Variants in EIF2AK4 observed in about 807,000 individuals in gnomAD.
EIF2AK4 encodes eIF-2-alpha kinase GCN2.
EIF2AK4 carries 139 observed loss-of-function variants against 211.1 expected under a neutral mutation model. That is an observed-to-expected ratio of 0.66 (90% CI 0.57 to 0.76). EIF2AK4 has a LOEUF of 0.76. Among genes scored for constraint, EIF2AK4 ranks in the 30% least tolerant of loss-of-function variants. The probability of loss-of-function intolerance (pLI) is 0.00; values close to 1 mark genes in which losing one functional copy is unlikely to be tolerated. For missense variants in EIF2AK4, 1,664 were observed against 2,043.8 expected (o/e 0.81, Z 3.58); for synonymous variants, 710 against 751.3 (o/e 0.94, Z 0.90).
chr15:40,018,971 CT>C (rs2035346689), intron 29 of EIF2AK4, 121 bp from the exon 30 acceptor site: 2 of 721,144 alleles, frequency 2.8e-6, no homozygotes, highest in Non-Finnish European at 4.6e-6. Flanking sequence ...ACACACATTT[CT>C]TTTTGTTGAA....
At chr15:39,936,943 A>AT (rs1048360654) in intron 1 of EIF2AK4, among the ~76,000 whole-genome samples, 4 of 151,624 alleles carry the variant, frequency 2.6e-5, no homozygotes, top group Admixed American at 6.6e-5. Context: ...TTCAGGTTAG[A>AT]TTTTTTTTTC....
In EIF2AK4 at chr15:39,964,589, T is replaced by A. The variant is rs368810890; in HGVS notation, c.860-1097T>A. Among the ~76,000 whole-genome samples, 17 of 152,290 alleles carry A rather than the reference T, an allele frequency of 1.1e-4. No individual in the cohort carries two copies. The East Asian group carries it at 3.3e-3, about 29-fold the overall frequency. On this transcript the variant is annotated intron_variant, in intron 7 of 38. Coordinates refer to ENST00000263791, the MANE Select transcript of EIF2AK4 (RefSeq NM_001013703.4). ...AATGTCATAGTGTCAAGGTGTTATA[T>A]ATATGCTATGATATGGTAAATTATG...
rs765193664 is a variant in EIF2AK4 at position 40,022,513 on chromosome 15, T to C, written c.4303-6T>C. 2 of 1,613,188 alleles carry C rather than the reference T, an allele frequency of 1.2e-6. No individual in the cohort carries two copies. The highest frequency in any genetic ancestry group is 2.2e-5 in the South Asian group (2 of 90,936). ...TTATTTTCTTTACTATGTTTGTTTG[T>C]TTCAGTCCCAAGAGGAATTACAAGA... On this transcript the variant is annotated splice_region_variant and splice_polypyrimidine_tract_variant and intron_variant, in intron 31 of 38. Coordinates refer to ENST00000263791, the MANE Select transcript of EIF2AK4 (RefSeq NM_001013703.4).
chr15:40,029,881 A>G (rs1332346368), intron 34 of EIF2AK4, among the ~76,000 whole-genome samples: 1 of 152,178 alleles, frequency 6.6e-6, no homozygotes, highest in African/African-American at 2.4e-5. Flanking sequence ...TGCTTTCATC[A>G]CCTCTAGCAA....
intron 23 of EIF2AK4, among the ~76,000 whole-genome samples, chr15:40,005,497 A>G (rs2035147715): frequency 6.6e-6 from 1 of 151,942 alleles, no homozygotes; most frequent in African/African-American, 2.4e-5. Context: ...ACCCTGTCTG[A>G]AAAACAACAA....
At chr15:39,972,424 C>T (rs2034637781) in intron 9 of EIF2AK4, among the ~76,000 whole-genome samples, 1 of 152,164 alleles carries the variant, frequency 6.6e-6, no homozygotes, top group African/African-American at 2.4e-5. Context: ...AAAAGCCTTC[C>T]CTAAATGTTT....
intron 4 of EIF2AK4, chr15:39,951,497 C>T (rs1345594217): frequency 7.3e-6 from 3 of 409,020 alleles, no homozygotes; most frequent in Non-Finnish European, 1.4e-5. Context: ...GCCTCACTTG[C>T]CTTCTGCAAA....
In EIF2AK4 at chr15:39,976,850, C is replaced by T. The variant is rs374651799; in HGVS notation, c.2249+6C>T. 1.0e-5 allele frequency: 15 copies of T among 1,503,478 alleles called. No homozygotes were observed. Among genetic ancestry groups the T allele is most frequent in the Non-Finnish European group, 1.2e-5 (13 of 1,128,642 alleles). The allele number at this position is 1,503,478 out of a possible 1,614,324, so 93.1% of individuals were successfully genotyped here. A position where few individuals can be genotyped will look rare whatever the true frequency, so the allele number is the denominator to read the frequency against. ...GTCTTCTCCCAGTCCTTCCTGTAAG[C>T]GCACGGCGCGGACCAGCTGCCTCTG... On this transcript the variant is annotated splice_donor_region_variant and intron_variant, in intron 12 of 38. Transcript: ENST00000263791.
chr15:39,952,640 A>G (rs1304182069), intron 4 of EIF2AK4, among the ~76,000 whole-genome samples: 2 of 151,794 alleles, frequency 1.3e-5, no homozygotes, highest in Non-Finnish European at 2.9e-5. Flanking sequence ...AGATATTACT[A>G]TTTCTTAAAG....
chr15:39,976,272 G>C (rs2034690662), intron 11 of EIF2AK4, 142 bp from the exon 12 acceptor site: 1 of 834,576 alleles, frequency 1.2e-6, no homozygotes, highest in African/African-American at 1.8e-5. Flanking sequence ...TTCAGTTTAA[G>C]AATTTCAGGC....
intron 13 of EIF2AK4, among the ~76,000 whole-genome samples, chr15:39,983,947 A>G (rs2034829785): frequency 6.6e-6 from 1 of 152,112 alleles, no homozygotes; most frequent in African/African-American, 2.4e-5. Flanking sequence ...CCTGAATGGT[A>G]TTGCCTAGGT....
chr15:39,956,056 A>C (rs1276754908), intron 6 of EIF2AK4, among the ~76,000 whole-genome samples: 2 of 136,538 alleles, frequency 1.5e-5, no homozygotes, highest in East Asian at 4.2e-4. Flanking sequence ...CCCAGGCTGC[A>C]GTGCAATGGC....
rs200753878 is a variant in EIF2AK4 at position 40,008,148 on chromosome 15, A to G, written c.3529A>G (p.Ile1177Val). 55 of 1,612,516 alleles carry G rather than the reference A, an allele frequency of 3.4e-5. No individual in the cohort carries two copies. In the East Asian group the frequency reaches 1.2e-3, roughly 35 times the overall value. Residue 1177 changes from isoleucine (I) to valine (V), a missense_variant, in exon 25 of 39, where the codon ATT becomes GTT. Coordinates refer to ENST00000263791, the MANE Select transcript of EIF2AK4 (RefSeq NM_001013703.4). The stretch of plus-strand genomic sequence containing the variant: ...CAACAGCTTTCTGCCCACTGCTGAA[A>G]TTATCTACACTATCTATGAAATCAT... ...TTNSFLPTAE[I>V]IYTIYEIIQE...
intron 32 of EIF2AK4, among the ~76,000 whole-genome samples, chr15:40,022,954 C>G (rs2035413938): frequency 6.6e-6 from 1 of 152,280 alleles, no homozygotes; most frequent in East Asian, 1.9e-4. Flanking sequence ...AGGATGGTCT[C>G]CTGACCTCGT....
chr15:39,985,985 G>A, intron 14 of EIF2AK4, 97 bp downstream of exon 14: 4 of 1,071,608 alleles, frequency 3.7e-6, no homozygotes, highest in Non-Finnish European at 4.1e-6. Flanking sequence ...GACAGAGGAG[G>A]GCTTATTGCC....
intron 6 of EIF2AK4, among the ~76,000 whole-genome samples, chr15:39,957,747 G>T (rs192829510): frequency 5.9e-5 from 9 of 152,324 alleles, no homozygotes; most frequent in Admixed American, 3.3e-4. Flanking sequence ...GAGGGAGCCA[G>T]GGAGGGAAGA....
At chr15:39,992,121 C>A in intron 16 of EIF2AK4, 54 bp from the exon 17 acceptor site, 2 of 1,478,394 alleles carry the variant, frequency 1.4e-6, no homozygotes, top group East Asian at 2.3e-5. Flanking sequence ...ACAAGCCATT[C>A]TCATGGAATA....
chr15:39,976,445 C>G lies in EIF2AK4; in HGVS notation c.1850C>G (p.Ala617Gly), dbSNP rs1424937924. 1 of 1,608,860 alleles carries G rather than the reference C, an allele frequency of 6.2e-7. No homozygotes were observed. Among genetic ancestry groups the G allele is most frequent in the African/African-American group, 1.3e-5 (1 of 74,540 alleles). ...VQNKLDGCCY[A>G]VKRIPINPAS... ...AACAAGTTGGACGGCTGCTGCTACG[C>G]AGTGAAGCGCATCCCCATCAACCCG... Residue 617 changes from alanine (A) to glycine (G), a missense_variant, in exon 12 of 39, where the codon GCA becomes GGA. This residue lies in a region of EIF2AK4 where 37 missense variants were observed against 84.0 expected (regional missense o/e 0.44). Transcript: ENST00000263791.
At chr15:39,966,282 C>G (rs963823596) in intron 8 of EIF2AK4, among the ~76,000 whole-genome samples, 6 of 152,014 alleles carry the variant, frequency 3.9e-5, no homozygotes, top group African/African-American at 1.4e-4. Flanking sequence ...CCAGTCTGGG[C>G]AACATGGTGA....
Sources: allele counts gnomAD v4.1 joint callset (sites outside exome capture counted in the v4.1 genomes callset), GRCh38; gene constraint gnomAD v4.1.1; regional missense constraint gnomAD v4.1.1; transcripts MANE v1.5; gene names NCBI Gene and HGNC (gene_info 2026-07-23, HGNC 2026-07-21).